The following SMC2 variants were observed in gnomAD, a reference collection of about 807,000 sequenced individuals.
The protein encoded by SMC2 is structural maintenance of chromosomes 2.
In SMC2, 41 loss-of-function variants were observed where a neutral mutation model predicts 142.6. The observed-to-expected ratio is 0.29, with a 90% confidence interval of 0.22 to 0.37. The LOEUF is 0.37. SMC2 is among the 10% of genes least tolerant of loss of function. The probability of loss-of-function intolerance (pLI) is 1.00; values close to 1 mark genes in which losing one functional copy is unlikely to be tolerated. For synonymous variants in SMC2, 463 were observed against 457.5 expected (o/e 1.01, Z -0.15); for missense variants, 1,265 against 1,373.7 (o/e 0.92, Z 1.25).
chr9:104,110,924 G>A (rs185039281), intron 9 of SMC2, among the ~76,000 whole-genome samples: 18 of 152,244 alleles, frequency 1.2e-4, no homozygotes, highest in African/African-American at 3.4e-4. Context: ...TTAGAACAGC[G>A]ACTTAGTCTG....
intron 3 of SMC2, among the ~76,000 whole-genome samples, chr9:104,096,902 A>G (rs937276854): frequency 3.3e-5 from 5 of 152,092 alleles, no homozygotes; most frequent in African/African-American, 1.2e-4. Context: ...GCATTCATCT[A>G]TCTTTCTTTC....
chr9:104,141,327 C>G lies in SMC2; in HGVS notation c.*2012C>G, dbSNP rs553320288. The G allele has an allele frequency of 6.6e-6, 1 of 152,230 alleles. No individual in the cohort carries two copies. The highest frequency in any genetic ancestry group is 2.4e-5 in the African/African-American group (1 of 41,544). 9.4% of individuals were successfully genotyped at this position (152,230 alleles called of 1,614,324 possible). A position where few individuals can be genotyped will look rare whatever the true frequency, so the allele number is the denominator to read the frequency against. The stretch of plus-strand genomic sequence containing the variant: ...AGTTAGGAGTGTCAGGGCCCATGGA[C>G]AAATCTTGTCAGTCTCCAGAACCTA... On this transcript the variant is annotated 3_prime_UTR_variant, in exon 25 of 25. Coordinates refer to ENST00000374793, the MANE Select transcript of SMC2 (RefSeq NM_006444.3).
At chr9:104,134,738 G>GTGAC (rs1253619933) in intron 23 of SMC2, among the ~76,000 whole-genome samples, 163 bp downstream of exon 23, 3 of 152,020 alleles carry the variant, frequency 2.0e-5, no homozygotes, top group Non-Finnish European at 4.4e-5. Flanking sequence ...ATTAAAATAG[G>GTGAC]TGACAAAGGA....
At chr9:104,099,541 A>T (rs1484433015) in intron 4 of SMC2, 103 bp from the exon 5 acceptor site, 1 of 748,622 alleles carries the variant, frequency 1.3e-6, no homozygotes, top group African/African-American at 1.8e-5. Context: ...AAAGATTGGT[A>T]TATTGAGATA....
chr9:104,120,987 G>GAGAT (rs1266382955), intron 16 of SMC2, among the ~76,000 whole-genome samples: 2 of 144,006 alleles, frequency 1.4e-5, no homozygotes, highest in Non-Finnish European at 1.5e-5. Flanking sequence ...ATCAGGAAAG[G>GAGAT]AGATAGGAGC....
intron 15 of SMC2, among the ~76,000 whole-genome samples, chr9:104,119,647 C>T (rs575784678): frequency 5.3e-5 from 8 of 152,274 alleles, no homozygotes; most frequent in South Asian, 2.1e-4. Context: ...CCATGGCAAA[C>T]GGAAAGCAAA....
At chr9:104,123,466 A>T (rs548558229) in intron 17 of SMC2, among the ~76,000 whole-genome samples, 2 of 148,902 alleles carry the variant, frequency 1.3e-5, no homozygotes, top group South Asian at 4.1e-4. Context: ...GCATATGAAC[A>T]TTTCTCCAAG....
At chr9:104,089,241 C>G in the SMC2 span, among the ~76,000 whole-genome samples, 1 of 152,052 alleles carries the variant, frequency 6.6e-6, no homozygotes, top group African/African-American at 2.4e-5. Flanking sequence ...TATTTGTTGA[C>G]TGTAGAGGAC....
intron 11 of SMC2, among the ~76,000 whole-genome samples, 191 bp downstream of exon 11, chr9:104,113,666 C>T (rs1210239733): frequency 1.3e-5 from 2 of 152,084 alleles, no homozygotes; most frequent in Non-Finnish European, 2.9e-5. Flanking sequence ...TTTGAGAACT[C>T]AGTATTGAGA....
At chr9:104,102,328 A>T (rs188460304) in intron 8 of SMC2, 96 bp from the exon 9 acceptor site, 1 of 1,215,382 alleles carries the variant, frequency 8.2e-7, no homozygotes, top group East Asian at 2.4e-5. Context: ...TAATGAAATA[A>T]CTTATAAAAA....
Position 104,111,729 on chromosome 9 carries a change from A to G in SMC2, c.1169A>G (p.Asn390Ser). The G allele has an allele frequency of 5.6e-6, 9 of 1,614,110 alleles. No individual in the cohort carries two copies. The highest frequency in any genetic ancestry group is 1.7e-5 in the Admixed American group (1 of 60,030). ...FNAVSAGLSS[N>S]EDGAEATLAG... ...GCTGTTTCCGCTGGCCTGTCCAGTAATGAAGATGGAGCAGAAGCAACTCTT... is the reference window on the plus strand; with the variant it reads ...GCTGTTTCCGCTGGCCTGTCCAGTAGTGAAGATGGAGCAGAAGCAACTCTT... The change falls in exon 10 of 25, where the codon AAT becomes AGT. Residue 390 changes from asparagine (N) to serine (S), a missense_variant. By Grantham distance (46) the Asn-to-Ser change is conservative. Transcript: ENST00000374793.
At chr9:104,114,961 T>G in intron 13 of SMC2, 132 bp downstream of exon 13, 4 of 632,532 alleles carry the variant, frequency 6.3e-6, no homozygotes, top group Non-Finnish European at 9.8e-6. Flanking sequence ...TAAAACTATT[T>G]GGTTCATAAC....
Position 104,095,522 on chromosome 9 carries a change from C to T in SMC2, c.138C>T (p.Cys46=). 6.2e-7 allele frequency: 1 copy of T among 1,614,066 alleles called. No homozygotes were observed. The highest frequency in any genetic ancestry group is 8.5e-7 in the Non-Finnish European group (1 of 1,179,920). ...AATCCAACATATTGGACTCCATCTG[C>T]TTTTTGCTGGGCATCTCCAACCTGT... ...SGKSNILDSI[C]FLLGISNLSQ... Residue 46 remains cysteine, a synonymous_variant, in exon 2 of 25, where the codon TGC becomes TGT. Transcript: ENST00000374793.
rs1216817484 is a variant in SMC2 at position 104,139,890 on chromosome 9, C to G, written c.*575C>G. 1 of 152,092 alleles carries G rather than the reference C, an allele frequency of 6.6e-6. No individual in the cohort carries two copies. The highest frequency in any genetic ancestry group is 6.6e-5 in the Admixed American group (1 of 15,246). 9.4% of individuals were successfully genotyped at this position (152,092 alleles called of 1,614,324 possible). A position where few individuals can be genotyped will look rare whatever the true frequency, so the allele number is the denominator to read the frequency against. The stretch of plus-strand genomic sequence containing the variant: ...TGAAAGAATCCTTATTTTAATGATA[C>G]ATGAATATCATGTTCCTATACGCTT... On this transcript the variant is annotated 3_prime_UTR_variant, in exon 25 of 25. Coordinates refer to ENST00000374793, the MANE Select transcript of SMC2 (RefSeq NM_006444.3).
intron 9 of SMC2, among the ~76,000 whole-genome samples, chr9:104,106,715 A>T (rs926947098): frequency 6.6e-6 from 1 of 152,284 alleles, no homozygotes; most frequent in African/African-American, 2.4e-5. Flanking sequence ...TTTTTTTAGC[A>T]TTCGAGTCAC....
In SMC2 at chr9:104,139,250, G is replaced by A. The variant is rs150649651; in HGVS notation, c.3529G>A (p.Gly1177Arg). 1 of 1,600,488 alleles carries A rather than the reference G, an allele frequency of 6.2e-7. No homozygotes were observed. The highest frequency in any genetic ancestry group is 1.4e-5 in the African/African-American group (1 of 73,668). Residue 1177 changes from glycine (G) to arginine (R), a missense_variant, in exon 25 of 25, where the codon GGA (glycine) becomes AGA (arginine). Physicochemically the swap from Gly to Arg is moderately radical, Grantham distance 125. Around this residue, in one of 4 missense-constraint regions of SMC2, gnomAD observed 192 missense variants for 261.9 expected, o/e 0.73. Transcript: ENST00000374793. ...TVARFTQCQN[G>R]KISKEAKSKA... ...AGCCAGATTTACTCAATGTCAAAAT[G>A]GAAAGATTTCAAAGGAAGCAAAATC...
intron 21 of SMC2, among the ~76,000 whole-genome samples, chr9:104,131,205 G>A (rs571440008): frequency 6.6e-6 from 1 of 152,178 alleles, no homozygotes; most frequent in East Asian, 1.9e-4. Flanking sequence ...CTAAAGTGGT[G>A]ATATTTGAGC....
At chr9:104,096,037 C>T (rs190812578) in intron 2 of SMC2, 111 bp from the exon 3 acceptor site, 22 of 932,970 alleles carry the variant, frequency 2.4e-5, no homozygotes, top group Admixed American at 1.7e-4. Context: ...ACCTTGTCTA[C>T]TTAATGGACA....
rs752423202 is a variant in SMC2 at position 104,111,603 on chromosome 9, A to G, written c.1043A>G (p.Lys348Arg). The G allele has an allele frequency of 6.2e-7, 1 of 1,612,420 alleles. No homozygotes were observed. The highest frequency in any genetic ancestry group is 8.5e-7 in the Non-Finnish European group (1 of 1,179,402). The change falls in exon 10 of 25, where the codon AAG becomes AGG. Residue 348 changes from lysine to arginine, a missense_variant. Physicochemically the swap from Lys to Arg is conservative, Grantham distance 26. Transcript: ENST00000374793. ...MVEDSKTLAA[K>R]EKEVKKITDG... is the part of the protein sequence containing the mutation. The stretch of plus-strand genomic sequence containing the variant: ...AAGGACTCAAAAACTTTAGCAGCAA[A>G]GGAAAAAGAGGTTAAAAAGATAACA...
Sources: allele counts gnomAD v4.1 joint callset (sites outside exome capture counted in the v4.1 genomes callset), GRCh38; gene constraint gnomAD v4.1.1; regional missense constraint gnomAD v4.1.1; transcripts MANE v1.5; gene names NCBI Gene and HGNC (gene_info 2026-07-23, HGNC 2026-07-21).